RAB11FIP2: variants seen among roughly 807,000 people sequenced by gnomAD.
The protein encoded by RAB11FIP2 is rab11 family-interacting protein 2.
Under a neutral mutation model 40.9 loss-of-function variants are expected in RAB11FIP2, and 16 were observed. The ratio of observed to expected loss-of-function variants is 0.39; its 90% CI spans 0.26 to 0.59. RAB11FIP2 has a LOEUF of 0.59. Ranked by LOEUF, RAB11FIP2 falls within the 20% of genes least tolerant of loss-of-function variation. RAB11FIP2 has a pLI of 0.53. For synonymous variants in RAB11FIP2, 228 were observed against 213.7 expected (o/e 1.07, Z -0.58); for missense variants, 532 against 606.2 (o/e 0.88, Z 1.28).
At chr10:118,045,753 G>A (rs924004792) in intron 1 of RAB11FIP2, 58 bp downstream of exon 1, 8 of 1,383,890 alleles carry the variant, frequency 5.8e-6, no homozygotes, top group Non-Finnish European at 7.8e-6. Flanking sequence ...TCCAAGAACA[G>A]AAAAACCATA....
chr10:118,038,326 G>A (rs1340590812), intron 3 of RAB11FIP2, among the ~76,000 whole-genome samples: 12 of 151,416 alleles, frequency 7.9e-5, no homozygotes, highest in African/African-American at 2.7e-4. Flanking sequence ...AATAAGAAAA[G>A]CACCATTATA....
chr10:118,025,084 AGCC>A (rs1846327935), intron 3 of RAB11FIP2, among the ~76,000 whole-genome samples: 1 of 152,238 alleles, frequency 6.6e-6, no homozygotes, highest in Admixed American at 6.5e-5. Context: ...CAAGCTGAGA[AGCC>A]CAGCCTTAAA....
chr10:118,030,980 G>T (rs1402019597), intron 3 of RAB11FIP2, among the ~76,000 whole-genome samples: 2 of 152,094 alleles, frequency 1.3e-5, no homozygotes, highest in South Asian at 4.1e-4. Context: ...CGTGTTTATA[G>T]TCATTGTTTC....
chr10:118,038,111 T>A (rs925853372), intron 3 of RAB11FIP2, among the ~76,000 whole-genome samples: 2 of 151,936 alleles, frequency 1.3e-5, no homozygotes, highest in Non-Finnish European at 1.5e-5. Context: ...GGGGGCCAAC[T>A]ATACTTAAGA....
intron 3 of RAB11FIP2, among the ~76,000 whole-genome samples, chr10:118,024,136 C>T (rs1235670195): frequency 6.7e-6 from 1 of 148,982 alleles, no homozygotes; most frequent in Admixed American, 6.7e-5. Flanking sequence ...ATTTCAAAGA[C>T]AGTCAAACAA....
chr10:118,042,489 T>C (rs1554852707), intron 1 of RAB11FIP2, among the ~76,000 whole-genome samples: 1 of 152,162 alleles, frequency 6.6e-6, no homozygotes, highest in South Asian at 2.1e-4. Context: ...TCTTTCTTAT[T>C]TGATGAACCA....
intron 4 of RAB11FIP2, among the ~76,000 whole-genome samples, chr10:118,012,385 G>A (rs1474515960): frequency 1.3e-5 from 2 of 151,720 alleles, no homozygotes; most frequent in East Asian, 3.9e-4. Context: ...AGAAACATAT[G>A]TACTATGAAT....
chr10:118,016,193 T>C (rs1005712328), intron 3 of RAB11FIP2, among the ~76,000 whole-genome samples: 1 of 152,172 alleles, frequency 6.6e-6, no homozygotes, highest in Non-Finnish European at 1.5e-5. Context: ...ATGACTAAGA[T>C]TTGAAGTACT....
At chr10:118,015,396 A>G (rs1846206242) in intron 3 of RAB11FIP2, among the ~76,000 whole-genome samples, 1 of 152,210 alleles carries the variant, frequency 6.6e-6, no homozygotes, top group African/African-American at 2.4e-5. Flanking sequence ...ATCCAGCAAG[A>G]TATTTTGCAA....
intron 4 of RAB11FIP2, among the ~76,000 whole-genome samples, chr10:118,009,971 TACTTA>T (rs1177711648): frequency 6.6e-6 from 1 of 152,182 alleles, no homozygotes; most frequent in African/African-American, 2.4e-5. Flanking sequence ...TTCATCTATT[TACTTA>T]ACTTTATTCT....
rs1362083787 is a variant in RAB11FIP2 at position 118,046,031 on chromosome 10, C to T, written c.133G>A (p.Glu45Lys). 1 of 1,614,220 alleles carries T rather than the reference C, an allele frequency of 6.2e-7. No individual in the cohort carries two copies. Among genetic ancestry groups the T allele is most frequent in the Admixed American group, 1.7e-5 (1 of 60,036 alleles). The change falls in exon 1 of 5, where the codon GAA (glutamate) becomes AAA (lysine). Residue 45 changes from glutamate (E) to lysine (K), a missense_variant. Coordinates refer to ENST00000355624, the MANE Select transcript of RAB11FIP2 (RefSeq NM_014904.3). The stretch of plus-strand genomic sequence containing the variant: ...TCAGCTACAGAGGTGGAGTACTTTT[C>T]CTTGCCCAGCTGAATTATAGTGTAT... ...DTYTIIQLGK[E>K]KYSTSVAEKT... is the part of the protein sequence containing the mutation.
At position 118,007,211 on chromosome 10, in the gene RAB11FIP2, A is replaced by AT. The variant is rs1279927384; in HGVS notation, c.*1786dup. On this transcript the variant is annotated 3_prime_UTR_variant, in exon 5 of 5. Transcript: ENST00000355624. Reference sequence around the variant, plus strand: ...CCAAGACCTCAAACGGGAAAATACCATTCTACACCAGACTTTGAGGTTTAT... The same window carrying AT: ...CCAAGACCTCAAACGGGAAAATACCATTTCTACACCAGACTTTGAGGTTTAT... 2 of 151,726 alleles carry AT rather than the reference A, an allele frequency of 1.3e-5. No individual in the cohort carries two copies. The highest frequency in any genetic ancestry group is 3.0e-5 in the Non-Finnish European group (2 of 67,792). The allele number at this position is 151,726 out of a possible 1,614,324, so 9.4% of individuals were successfully genotyped here.
intron 3 of RAB11FIP2, among the ~76,000 whole-genome samples, chr10:118,028,295 T>C (rs1259158890): frequency 1.3e-5 from 2 of 150,630 alleles, no homozygotes; most frequent in African/African-American, 2.4e-5. Context: ...TGGTGTATAA[T>C]ATATTAAATA....
intron 3 of RAB11FIP2, among the ~76,000 whole-genome samples, chr10:118,021,083 T>TAC (rs1039028434): frequency 2.6e-5 from 4 of 151,532 alleles, no homozygotes; most frequent in African/African-American, 4.8e-5. Context: ...TGCCTACACA[T>TAC]ACACACACAC....
rs1307767811 is a variant in RAB11FIP2, at chr10:118,039,450, A to AT, written c.797-11dup. 4 of 1,595,804 alleles carry AT rather than the reference A, an allele frequency of 2.5e-6. No individual in the cohort carries two copies. Among genetic ancestry groups the AT allele is most frequent in the Non-Finnish European group, 3.4e-6 (4 of 1,165,912 alleles). The stretch of plus-strand genomic sequence containing the variant: ...GGAGATTTGAGACTTCCTACAAACA[A>AT]TTTTGTAGTTAGTACATAATCAGTG... On this transcript the variant is annotated splice_polypyrimidine_tract_variant and intron_variant, in intron 2 of 4. Coordinates refer to ENST00000355624, the MANE Select transcript of RAB11FIP2 (RefSeq NM_014904.3).
intron 3 of RAB11FIP2, among the ~76,000 whole-genome samples, chr10:118,027,995 C>T (rs1168990542): frequency 6.6e-6 from 1 of 152,040 alleles, no homozygotes; most frequent in Non-Finnish European, 1.5e-5. Context: ...CCACAGTAAA[C>T]TCCATGTACT....
In RAB11FIP2 at chr10:118,045,802, A is replaced by C. The variant is rs200516101; in HGVS notation, c.353+9T>G. 6.4e-7 allele frequency: 1 copy of C among 1,560,920 alleles called. No homozygotes were observed. Among genetic ancestry groups the C allele is most frequent in the East Asian group, 2.2e-5 (1 of 44,510 alleles). The stretch of plus-strand genomic sequence containing the variant: ...CTCCCCCAAATTCAAAATAAATTAC[A>C]TAACTTACTCTGTTTTCCTTCTTTG... On this transcript the variant is annotated intron_variant, in intron 1 of 4. Coordinates refer to ENST00000355624, the MANE Select transcript of RAB11FIP2 (RefSeq NM_014904.3).
At chr10:118,036,006 T>C (rs1339886643) in intron 3 of RAB11FIP2, among the ~76,000 whole-genome samples, 2 of 152,232 alleles carry the variant, frequency 1.3e-5, no homozygotes, top group East Asian at 3.9e-4. Context: ...AATGTGGTAT[T>C]TTTTGTGGTT....
Position 118,039,106 on chromosome 10 carries a change from ATTG to A in RAB11FIP2, c.1128_1130del (p.Asn377del), listed in dbSNP as rs1312148297. The A allele has an allele frequency of 1.2e-6, 2 of 1,613,732 alleles. No homozygotes were observed. The highest frequency in any genetic ancestry group is 8.5e-7 in the Non-Finnish European group (1 of 1,179,766). On this transcript the variant is annotated inframe_deletion, in exon 3 of 5. Coordinates refer to ENST00000355624, the MANE Select transcript of RAB11FIP2 (RefSeq NM_014904.3). Reference sequence around the variant, plus strand: ...AGTCACAAGGGCTATCAGATCCCCCATTGTTAAGTTTATCAGATCTTCTGCTAT... The same window carrying A: ...AGTCACAAGGGCTATCAGATCCCCCATTAAGTTTATCAGATCTTCTGCTAT...
Sources: gnomAD v4.1 joint callset for allele counts (sites outside exome capture counted in the v4.1 genomes callset) on GRCh38, gnomAD v4.1.1 for gene constraint, MANE v1.5 for transcripts, NCBI Gene and HGNC (gene_info 2026-07-23, HGNC 2026-07-21) for gene names.